Variants in STK33 observed in about 807,000 individuals in gnomAD.
STK33 encodes the protein serine/threonine kinase 33.
In STK33, 52 loss-of-function variants were observed where a neutral mutation model predicts 58.0. The observed-to-expected ratio is 0.90, with a 90% confidence interval of 0.72 to 1.13. The LOEUF is 1.13. STK33 is among the 50% of genes most tolerant of loss of function. The probability of loss-of-function intolerance (pLI) is 0.00; values close to 1 mark genes in which losing one functional copy is unlikely to be tolerated. For missense variants in STK33, 630 were observed against 604.2 expected, an observed-to-expected ratio of 1.04 and a Z score of -0.45; for synonymous variants, 215 against 200.1, an observed-to-expected ratio of 1.07 and a Z score of -0.63.
chr11:8,397,086 T>A (rs1456448408), intron 15 of STK33, among the ~76,000 whole-genome samples: 1 of 152,160 alleles, frequency 6.6e-6, no homozygotes, highest in Non-Finnish European at 1.5e-5. Flanking sequence ...GACTTAAATG[T>A]CCCTGTCTGA....
the STK33 span, among the ~76,000 whole-genome samples, chr11:8,381,774 C>T: frequency 9.9e-3 from 1,514 of 152,278 alleles, 11 homozygotes; most frequent in Non-Finnish European, 0.015. Flanking sequence ...TATTTTATTA[C>T]CCAAAAACTT....
chr11:8,589,456 G>A (rs1443638578), intron 1 of STK33, among the ~76,000 whole-genome samples: 2 of 152,106 alleles, frequency 1.3e-5, no homozygotes, highest in Non-Finnish European at 2.9e-5. Flanking sequence ...TTCCATAACA[G>A]GCAAATCTAC....
At chr11:8,509,223 C>A (rs1390368759) in intron 1 of STK33, among the ~76,000 whole-genome samples, 1 of 150,634 alleles carries the variant, frequency 6.6e-6, no homozygotes, top group Non-Finnish European at 1.5e-5. Context: ...GATAAGAGTT[C>A]AACGATTAAA....
chr11:8,427,939 A>G (rs938537201), intron 14 of STK33, among the ~76,000 whole-genome samples: 1 of 152,226 alleles, frequency 6.6e-6, no homozygotes, highest in Admixed American at 6.5e-5. Context: ...CCTGTTTCCC[A>G]GGAAGCATTG....
At chr11:8,506,798 A>G (rs1040407422) in intron 1 of STK33, among the ~76,000 whole-genome samples, 1 of 152,088 alleles carries the variant, frequency 6.6e-6, no homozygotes, top group African/African-American at 2.4e-5. Context: ...TGTCAACATC[A>G]TTTACCCACA....
At chr11:8,547,993 C>T (rs1288952875) in intron 1 of STK33, among the ~76,000 whole-genome samples, 1 of 143,368 alleles carries the variant, frequency 7.0e-6, no homozygotes, top group African/African-American at 2.6e-5. Context: ...TGGGGAACAT[C>T]ACACACCGGG....
At chr11:8,367,341 G>GC in the STK33 span, among the ~76,000 whole-genome samples, 1 of 152,316 alleles carries the variant, frequency 6.6e-6, no homozygotes, top group Admixed American at 6.5e-5. Flanking sequence ...GTATATACAC[G>GC]CATCATTGTA....
At chr11:8,564,071 CG>C (rs1363972322) in intron 1 of STK33, among the ~76,000 whole-genome samples, 2 of 152,068 alleles carry the variant, frequency 1.3e-5, no homozygotes, top group Non-Finnish European at 2.9e-5. Context: ...TTTTCAGGAG[CG>C]GAGTGGCATA....
chr11:8,445,553 C>A lies in STK33; in HGVS notation c.872-4800G>T, dbSNP rs143115193. ...GCTCTTATTATTTTGAGATACGTTT[C>A]ATCAATACCTAGTTTATTGAGAGTT... On this transcript the variant is annotated intron_variant, in intron 11 of 15. Coordinates refer to ENST00000687296, the MANE Select transcript of STK33 (RefSeq NM_001352389.2). Among the ~76,000 whole-genome samples the A allele has an allele frequency of 2.7e-3, 404 of 152,306 alleles. 4 individuals are homozygous for A. The highest frequency in any genetic ancestry group is 0.018 in the East Asian group (94 of 5,186).
chr11:8,447,445 A>G (rs1001087580), intron 11 of STK33, among the ~76,000 whole-genome samples: 2 of 152,238 alleles, frequency 1.3e-5, no homozygotes, highest in African/African-American at 4.8e-5. Flanking sequence ...ACCATGATCA[A>G]GTGGGCTTCA....
intron 15 of STK33, among the ~76,000 whole-genome samples, chr11:8,405,392 G>C (rs1182954329): frequency 6.6e-6 from 1 of 152,174 alleles, no homozygotes; most frequent in East Asian, 1.9e-4. Flanking sequence ...CCTATGTGAA[G>C]TGTCTGTTCA....
At chr11:8,486,882 A>G (rs549560617) in intron 1 of STK33, among the ~76,000 whole-genome samples, 16 of 152,340 alleles carry the variant, frequency 1.1e-4, no homozygotes, top group African/African-American at 3.6e-4. Context: ...AGAACTTGGT[A>G]ACTAATCAGT....
chr11:8,554,517 C>G (rs1052555219), intron 1 of STK33, among the ~76,000 whole-genome samples: 2 of 151,272 alleles, frequency 1.3e-5, no homozygotes, highest in African/African-American at 4.9e-5. Context: ...TTCAATATCA[C>G]TAATTATCAG....
chr11:8,490,341 G>C (rs11517715), intron 1 of STK33, among the ~76,000 whole-genome samples: 39,963 of 152,098 alleles, frequency 0.26, 5,443 homozygotes, highest in South Asian at 0.33. Context: ...AGAAGGATCT[G>C]TGAGGCAGCA....
intron 14 of STK33, among the ~76,000 whole-genome samples, chr11:8,423,080 A>T (rs1942179966): frequency 6.6e-6 from 1 of 151,420 alleles, no homozygotes; most frequent in African/African-American, 2.4e-5. Flanking sequence ...GGACTCAAGC[A>T]ATCCACCCGC....
intron 14 of STK33, among the ~76,000 whole-genome samples, 183 bp from the exon 15 acceptor site, chr11:8,413,875 C>A (rs1344020680): frequency 1.3e-5 from 2 of 152,182 alleles, no homozygotes. Context: ...ACATGGCTCA[C>A]ATCCCTTGCA....
At chr11:8,389,868 T>C (rs1186240301), downstream of STK33, among the ~76,000 whole-genome samples, 2 of 152,168 alleles carry the variant, frequency 1.3e-5, no homozygotes, top group Non-Finnish European at 2.9e-5. Flanking sequence ...TCAGCTTCCA[T>C]TTCCCTGGGT....
At chr11:8,374,455 G>A in the STK33 span, among the ~76,000 whole-genome samples, 1 of 152,320 alleles carries the variant, frequency 6.6e-6, no homozygotes, top group Middle Eastern at 3.4e-3. Flanking sequence ...TGTCCTTGCA[G>A]GTTCAGTTTC....
the STK33 span, among the ~76,000 whole-genome samples, chr11:8,342,022 G>C: frequency 6.6e-6 from 1 of 152,168 alleles, no homozygotes; most frequent in Non-Finnish European, 1.5e-5. Context: ...AGACCTGATG[G>C]CTCACAGAAA....
Sources: allele counts gnomAD v4.1 joint callset (sites outside exome capture counted in the v4.1 genomes callset), GRCh38; gene constraint gnomAD v4.1.1; transcripts MANE v1.5; gene names NCBI Gene and HGNC (gene_info 2026-07-23, HGNC 2026-07-21).